The following DPP10 variants were observed in gnomAD, a reference collection of about 807,000 sequenced individuals.
DPP10 encodes the protein inactive dipeptidyl peptidase 10.
DPP10 carries 33 observed loss-of-function variants against 120.9 expected under a neutral mutation model. The ratio of observed to expected loss-of-function variants is 0.27; its 90% CI spans 0.21 to 0.37. The LOEUF is 0.37. Ranked by LOEUF, DPP10 falls within the 10% of genes least tolerant of loss-of-function variation. The pLI is 1.00. For synonymous variants in DPP10, 337 were observed against 326.1 expected (o/e 1.03, Z -0.36); for missense variants, 816 against 942.8 (o/e 0.87, Z 1.76).
chr2:115,527,082 G>T (rs937285745), intron 5 of DPP10, among the ~76,000 whole-genome samples: 1 of 152,168 alleles, frequency 6.6e-6, no homozygotes, highest in Non-Finnish European at 1.5e-5. Context: ...ATCTAAGCTT[G>T]AAAAGTCTGC....
chr2:114,567,273 G>GT (rs1034260692), intron 1 of DPP10, among the ~76,000 whole-genome samples: 53 of 152,320 alleles, frequency 3.5e-4, no homozygotes, highest in African/African-American at 1.2e-3. Context: ...CTCTGAAGCT[G>GT]TGAGTATGCT....
At position 115,071,287 on chromosome 2, in the gene DPP10, C is replaced by A. The variant is rs909032823; in HGVS notation, c.61-237952C>A. Among the ~76,000 whole-genome samples, 3 of 152,132 alleles carry A rather than the reference C, an allele frequency of 2.0e-5. No individual in the cohort carries two copies. In the East Asian group the frequency reaches 5.8e-4, roughly 29 times the overall value. ...TTTTTTCTTTGCTCTACATCCTCCTCCACGTCCCATGCAGTGTATGGTGTT... is the reference window on the plus strand; with the variant it reads ...TTTTTTCTTTGCTCTACATCCTCCTACACGTCCCATGCAGTGTATGGTGTT... On this transcript the variant is annotated intron_variant, in intron 1 of 25. Coordinates refer to ENST00000410059, the MANE Select transcript of DPP10 (RefSeq NM_020868.6).
At chr2:114,706,808 CAG>C (rs1700715562) in intron 1 of DPP10, among the ~76,000 whole-genome samples, 1 of 152,150 alleles carries the variant, frequency 6.6e-6, no homozygotes, top group Non-Finnish European at 1.5e-5. Flanking sequence ...AGTGGAGGAG[CAG>C]AGTTTCTAGG....
At chr2:114,593,630 A>G (rs779820578) in intron 1 of DPP10, among the ~76,000 whole-genome samples, 12 of 152,082 alleles carry the variant, frequency 7.9e-5, no homozygotes, top group Non-Finnish European at 4.4e-5. Flanking sequence ...TAATAATTGT[A>G]TCTATTTATG....
At chr2:115,507,662 G>T (rs1442953486) in intron 4 of DPP10, among the ~76,000 whole-genome samples, 1 of 152,140 alleles carries the variant, frequency 6.6e-6, no homozygotes, top group Non-Finnish European at 1.5e-5. Context: ...CTAGGGGAAA[G>T]ATTTATACTG....
chr2:114,706,458 A>G (rs1700690640), intron 1 of DPP10, among the ~76,000 whole-genome samples: 3 of 152,194 alleles, frequency 2.0e-5, no homozygotes, highest in Admixed American at 1.3e-4. Context: ...CCATGCCTCT[A>G]TCTTAGCTTA....
Position 115,830,909 on chromosome 2 carries a change from A to G in DPP10, c.1951-5248A>G, listed in dbSNP as rs529891433. 3.9e-5 allele frequency among the ~76,000 whole-genome samples: 6 copies of G among 152,280 alleles called. No homozygotes were observed. The South Asian group carries it at 1.2e-3, about 32-fold the overall frequency. ...AATTATTTGTTATGTAAAGTTTTGT[A>G]TCTTTTCAATTGAGGGAGGGCCTCT... On this transcript the variant is annotated intron_variant, in intron 21 of 25. Coordinates refer to ENST00000410059, the MANE Select transcript of DPP10 (RefSeq NM_020868.6).
chr2:115,276,159 T>G (rs1407612307), intron 1 of DPP10, among the ~76,000 whole-genome samples: 3 of 152,026 alleles, frequency 2.0e-5, no homozygotes, highest in Non-Finnish European at 4.4e-5. Flanking sequence ...TGTTAATAAT[T>G]AGAAAACACT....
Position 115,746,105 on chromosome 2 carries a change from C to A in DPP10, c.872C>A (p.Thr291Lys), listed in dbSNP as rs371525003. Residue 291 changes from threonine (T) to lysine (K), a missense_variant, in exon 10 of 26, where the codon ACA becomes AAA. This residue lies in a region of DPP10 where 592 missense variants were observed against 649.0 expected (regional missense o/e 0.91). Transcript: ENST00000410059. ...TCAAAGGCAGGTCAAGTGAACCCAA[C>A]AATAAAATTATATGTTGTAAACCTG... is the stretch of plus-strand genomic sequence containing the variant. Reference protein sequence around the residue: ...PYPKAGQVNPTIKLYVVNLYG... With the variant: ...PYPKAGQVNPKIKLYVVNLYG... 3.7e-6 allele frequency: 6 copies of A among 1,608,338 alleles called. No individual in the cohort carries two copies. Among genetic ancestry groups the A allele is most frequent in the South Asian group, 1.1e-5 (1 of 89,686 alleles).
chr2:115,333,465 T>C (rs949971368), intron 2 of DPP10, among the ~76,000 whole-genome samples: 2 of 152,144 alleles, frequency 1.3e-5, no homozygotes, highest in Non-Finnish European at 2.9e-5. Context: ...ATCCTGTCAG[T>C]ATGATGTTAG....
At chr2:115,701,974 G>T (rs962717226) in intron 7 of DPP10, among the ~76,000 whole-genome samples, 4 of 152,008 alleles carry the variant, frequency 2.6e-5, no homozygotes, top group Non-Finnish European at 5.9e-5. Context: ...ATCGCAGTAA[G>T]TAGCAAAGTG....
chr2:114,696,174 G>A (rs767720454), intron 1 of DPP10, among the ~76,000 whole-genome samples: 1 of 152,028 alleles, frequency 6.6e-6, no homozygotes, highest in Non-Finnish European at 1.5e-5. Context: ...CAAGCAGGAA[G>A]CATTTAAATC....
chr2:115,037,159 GT>G (rs1483487454), intron 1 of DPP10, among the ~76,000 whole-genome samples: 1 of 152,094 alleles, frequency 6.6e-6, no homozygotes. Flanking sequence ...CAGCCATTTG[GT>G]TACAAATTGT....
At chr2:115,436,241 CA>C (rs2071478997) in intron 3 of DPP10, among the ~76,000 whole-genome samples, 1 of 151,770 alleles carries the variant, frequency 6.6e-6, no homozygotes, top group Non-Finnish European at 1.5e-5. Context: ...ACATGTTGAA[CA>C]TATACCATGT....
chr2:115,424,365 A>T (rs879667794), intron 3 of DPP10, among the ~76,000 whole-genome samples: 3 of 152,088 alleles, frequency 2.0e-5, no homozygotes, highest in Non-Finnish European at 4.4e-5. Context: ...ATTGGATTAG[A>T]ATGTATCCTA....
intron 1 of DPP10, among the ~76,000 whole-genome samples, chr2:114,648,250 A>G (rs895652461): frequency 6.6e-6 from 1 of 152,182 alleles, no homozygotes. Flanking sequence ...TCTCCTTAAT[A>G]AAGTTCATTG....
chr2:114,504,947 G>A (rs1683505788), intron 1 of DPP10, among the ~76,000 whole-genome samples: 1 of 150,680 alleles, frequency 6.6e-6, no homozygotes, highest in African/African-American at 2.4e-5. Context: ...AGCTACTCGG[G>A]AGGCTGACTC....
chr2:115,435,475 G>A (rs555333497), intron 3 of DPP10, among the ~76,000 whole-genome samples: 1 of 151,842 alleles, frequency 6.6e-6, no homozygotes, highest in East Asian at 1.9e-4. Flanking sequence ...TCATATGCCT[G>A]TTGACCATCT....
At chr2:114,953,830 C>A (rs1408859369) in intron 1 of DPP10, among the ~76,000 whole-genome samples, 1 of 151,910 alleles carries the variant, frequency 6.6e-6, no homozygotes, top group African/African-American at 2.4e-5. Context: ...ATTTATTATA[C>A]TTTGATTCAA....
Sources: gnomAD v4.1 joint callset for allele counts (sites outside exome capture counted in the v4.1 genomes callset) on GRCh38, gnomAD v4.1.1 for gene constraint, gnomAD v4.1.1 regional missense constraint, MANE v1.5 for transcripts, NCBI Gene and HGNC (gene_info 2026-07-23, HGNC 2026-07-21) for gene names.